FTO: variants seen among roughly 807,000 people sequenced by gnomAD.
FTO encodes the protein FTO alpha-ketoglutarate dependent dioxygenase.
Under a neutral mutation model 63.9 loss-of-function variants are expected in FTO, and 47 were observed. The observed-to-expected ratio is 0.74, with a 90% CI of 0.58 to 0.94. The LOEUF (loss-of-function observed/expected upper bound fraction) is 0.94, where lower values mean the gene tolerates loss of function less well. Among genes scored for constraint, FTO ranks in the 40% least tolerant of loss-of-function variants. FTO has a pLI of 0.00. For missense variants in FTO, 562 were observed against 618.1 expected (o/e 0.91, Z 0.96); for synonymous variants, 207 against 224.4 (o/e 0.92, Z 0.69).
At chr16:53,991,480 G>A (rs1411489363) in intron 8 of FTO, 1 of 152,154 alleles carries the variant, frequency 6.6e-6, no homozygotes, top group Non-Finnish European at 1.5e-5. Context: ...TGTTACACGA[G>A]GGTGAAGTGG....
At chr16:53,952,183 A>G (rs1435595312) in intron 8 of FTO, among the ~76,000 whole-genome samples, 1 of 152,182 alleles carries the variant, frequency 6.6e-6, no homozygotes, top group African/African-American at 2.4e-5. Context: ...CAGAGAGGTT[A>G]GGGAATTTAC....
At chr16:53,749,474 T>C (rs750492262) in intron 1 of FTO, among the ~76,000 whole-genome samples, 3 of 151,758 alleles carry the variant, frequency 2.0e-5, no homozygotes, top group Non-Finnish European at 2.9e-5. Context: ...GTCTTCGCTC[T>C]GTGGCCCACG....
At position 53,867,876 on chromosome 16, in the gene FTO, C is replaced by G. The variant is rs371886064; in HGVS notation, c.896-5910C>G. 2.6e-5 allele frequency among the ~76,000 whole-genome samples: 4 copies of G among 152,212 alleles called. No homozygotes were observed. The East Asian group carries it at 7.7e-4, about 29-fold the overall frequency. On this transcript the variant is annotated intron_variant, in intron 4 of 8. Coordinates refer to ENST00000471389, the MANE Select transcript of FTO (RefSeq NM_001080432.3). The stretch of plus-strand genomic sequence containing the variant: ...TTTTTGCCTTATACATTTTGATGCT[C>G]TACTATTAGGTGCATACTGTTATAT...
chr16:53,825,444 T>C (rs376589527), intron 2 of FTO, among the ~76,000 whole-genome samples: 1 of 152,140 alleles, frequency 6.6e-6, no homozygotes, highest in African/African-American at 2.4e-5. Flanking sequence ...AATAATACTA[T>C]GCCTAGAGTT....
intron 1 of FTO, among the ~76,000 whole-genome samples, chr16:53,725,394 T>C (rs1289513964): frequency 6.6e-6 from 1 of 152,342 alleles, no homozygotes; most frequent in South Asian, 2.1e-4. Flanking sequence ...ATGATCTTCA[T>C]TGTGAACGGC....
intron 8 of FTO, among the ~76,000 whole-genome samples, chr16:53,975,668 C>CA (rs11388323): frequency 0.35 from 52,117 of 147,400 alleles, 9,573 homozygotes; most frequent in East Asian, 0.71. Flanking sequence ...CTACAGTCCT[C>CA]AAAAAAAAAA....
At chr16:53,993,678 CT>C (rs1296220778) in intron 8 of FTO, 2 of 152,206 alleles carry the variant, frequency 1.3e-5, no homozygotes, top group Non-Finnish European at 2.9e-5. Context: ...ACCAATCCTC[CT>C]TTTGTAGCCT....
At chr16:53,793,423 G>A (rs1051159331) in intron 1 of FTO, among the ~76,000 whole-genome samples, 3 of 152,074 alleles carry the variant, frequency 2.0e-5, no homozygotes, top group Non-Finnish European at 2.9e-5. Flanking sequence ...ATTATCTGAA[G>A]AACTGAAGTA....
chr16:54,086,007 G>A (rs926914893), intron 8 of FTO, among the ~76,000 whole-genome samples: 2 of 152,158 alleles, frequency 1.3e-5, no homozygotes, highest in Non-Finnish European at 2.9e-5. Flanking sequence ...AACGCAGGAG[G>A]ACTACTTTAA....
chr16:54,096,333 A>G (rs1457497562), intron 8 of FTO, among the ~76,000 whole-genome samples: 3 of 152,244 alleles, frequency 2.0e-5, no homozygotes, highest in African/African-American at 4.8e-5. Flanking sequence ...AGGCCAGGAC[A>G]CTATGACATC....
At chr16:53,825,525 A>G (rs1450949119) in intron 2 of FTO, among the ~76,000 whole-genome samples, 1 of 152,230 alleles carries the variant, frequency 6.6e-6, no homozygotes, top group African/African-American at 2.4e-5. Context: ...TAAATATTTT[A>G]GATAATAAGC....
chr16:54,088,634 C>T (rs1185947099), intron 8 of FTO, among the ~76,000 whole-genome samples: 2 of 152,160 alleles, frequency 1.3e-5, no homozygotes, highest in South Asian at 2.1e-4. Context: ...ATTCCAAATA[C>T]GGCAGTGAAT....
intron 1 of FTO, 28 bp from the exon 2 acceptor site, chr16:53,810,112 C>T (rs2078481547): frequency 1.3e-6 from 2 of 1,491,568 alleles, no homozygotes; most frequent in Non-Finnish European, 1.9e-6. Flanking sequence ...TGCATATTCA[C>T]TTATATGTAA....
chr16:53,889,061 G>A, intron 7 of FTO, 110 bp downstream of exon 7: 1 of 1,287,038 alleles, frequency 7.8e-7, no homozygotes, highest in Non-Finnish European at 1.1e-6. Context: ...TAATTATCAA[G>A]TTAGATTCTT....
intron 7 of FTO, among the ~76,000 whole-genome samples, chr16:53,891,616 G>A (rs906745559): frequency 3.3e-5 from 5 of 152,142 alleles, no homozygotes; most frequent in East Asian, 3.9e-4. Flanking sequence ...AGCTGTGATC[G>A]CGTTACTGCA....
intron 4 of FTO, among the ~76,000 whole-genome samples, chr16:53,872,410 T>G (rs1021024687): frequency 6.6e-6 from 1 of 152,206 alleles, no homozygotes; most frequent in Non-Finnish European, 1.5e-5. Context: ...CTCCCTATAC[T>G]CCAGTCTTTG....
chr16:53,909,532 CTTTTTTTT>C (rs58121446), intron 7 of FTO, among the ~76,000 whole-genome samples: 3 of 71,194 alleles, frequency 4.2e-5, no homozygotes, highest in African/African-American at 2.1e-4. Context: ...AGAGCCCCGC[CTTTTTTTT>C]TTTTTTTTTT....
At chr16:53,764,876 T>A (rs1418109666) in intron 1 of FTO, among the ~76,000 whole-genome samples, 1 of 152,000 alleles carries the variant, frequency 6.6e-6, no homozygotes, top group South Asian at 2.1e-4. Flanking sequence ...CATGTCACCA[T>A]GCCTGGCTAA....
chr16:53,921,480 A>G (rs907653630), intron 7 of FTO, among the ~76,000 whole-genome samples: 22 of 152,214 alleles, frequency 1.4e-4, no homozygotes, highest in African/African-American at 5.3e-4. Context: ...CCTTCAATTA[A>G]CAGTTAGGAC....
Sources: allele counts gnomAD v4.1 joint callset (sites outside exome capture counted in the v4.1 genomes callset), GRCh38; gene constraint gnomAD v4.1.1; transcripts MANE v1.5; gene names NCBI Gene and HGNC (gene_info 2026-07-23, HGNC 2026-07-21).